Variants in ATXN2 observed in about 807,000 individuals in gnomAD.
ATXN2 encodes ataxin 2, also known as ataxin-2.
In ATXN2, 37 loss-of-function variants were observed where a neutral mutation model predicts 138.6. The ratio of observed to expected loss-of-function variants is 0.27; its 90% CI spans 0.21 to 0.35. ATXN2 has a LOEUF of 0.35. ATXN2 is among the 10% of genes least tolerant of loss of function. ATXN2 has a pLI of 1.00. For synonymous variants in ATXN2, 549 were observed against 543.7 expected (o/e 1.01, Z -0.13); for missense variants, 1,216 against 1,480.3 (o/e 0.82, Z 2.93).
chr12:111,599,071 G>C lies in ATXN2; in HGVS notation c.-37C>G. 7.0e-7 allele frequency: 1 copy of C among 1,423,404 alleles called. No homozygotes were observed. The highest frequency in any genetic ancestry group is 9.2e-7 in the Non-Finnish European group (1 of 1,087,826). The allele number at this position is 1,423,404 out of a possible 1,614,324, so 88.2% of individuals were successfully genotyped here. A position where few individuals can be genotyped will look rare whatever the true frequency, so the allele number is the denominator to read the frequency against. On this transcript the variant is annotated 5_prime_UTR_variant, in exon 1 of 25. Coordinates refer to ENST00000673436, the MANE Select transcript of ATXN2 (RefSeq NM_001372574.1). ...CATACACCGGCTCGCACGCCGGGCGGGGACAGCCGGGAGCCGGGCGCGCCA... is the reference window on the plus strand; with the variant it reads ...CATACACCGGCTCGCACGCCGGGCGCGGACAGCCGGGAGCCGGGCGCGCCA...
Position 111,598,064 on chromosome 12 carries a change from A to C in ATXN2, c.251+720T>G. ...ACCCCTTCCCTTCCCCAGGTGGGGG[A>C]GGGTGGAACGCTGCCGGAGGCCACA... On this transcript the variant is annotated intron_variant, in intron 1 of 24. Transcript: ENST00000673436. The surrounding 1 kb of genome is among the most constrained non-coding windows in gnomAD (Gnocchi z 4.5). 8.7e-7 allele frequency: 1 copy of C among 1,152,552 alleles called. No individual in the cohort carries two copies. The highest frequency in any genetic ancestry group is 1.1e-6 in the Non-Finnish European group (1 of 920,564). 71.4% of individuals were successfully genotyped at this position (1,152,552 alleles called of 1,614,324 possible). A position where few individuals can be genotyped will look rare whatever the true frequency, so the allele number is the denominator to read the frequency against.
intron 14 of ATXN2, among the ~76,000 whole-genome samples, chr12:111,496,722 A>G (rs1878440402): frequency 6.6e-6 from 1 of 152,114 alleles, no homozygotes; most frequent in African/African-American, 2.4e-5. Flanking sequence ...ATCAAAACCT[A>G]TAGGATACAG....
At position 111,519,979 on chromosome 12, in the gene ATXN2, C is replaced by T. The variant is rs1880066640; in HGVS notation, c.886G>A (p.Ala296Thr). 2 of 1,614,004 alleles carry T rather than the reference C, an allele frequency of 1.2e-6. No individual in the cohort carries two copies. Reference protein sequence around the residue: ...EEIESSAQYKARVALENDDRS... With the variant: ...EEIESSAQYKTRVALENDDRS... ...TCATCATTTTCCAGGGCCACTCGAG[C>T]TTTGTACTGGGCACTTGACTCAATT... The change falls in exon 8 of 25, where the codon GCT (alanine) becomes ACT (threonine). Residue 296 changes from alanine (A) to threonine (T), a missense_variant. Transcript: ENST00000673436.
chr12:111,487,049 TACAACCGTTCCTCTCAA>T (rs1877689867), intron 15 of ATXN2, among the ~76,000 whole-genome samples: 1 of 152,150 alleles, frequency 6.6e-6, no homozygotes, highest in South Asian at 2.1e-4. Flanking sequence ...CTGAGTAATA[TACAACCGTTCCTCTCAA>T]AGGCAATCAA....
intron 5 of ATXN2, among the ~76,000 whole-genome samples, chr12:111,536,072 C>T (rs888622989): frequency 2.0e-5 from 3 of 151,684 alleles, no homozygotes; most frequent in Admixed American, 6.6e-5. Context: ...TGGGAAGGGC[C>T]CTGTATAGCA....
chr12:111,571,872 C>T (rs947088157), intron 1 of ATXN2, among the ~76,000 whole-genome samples: 4 of 151,510 alleles, frequency 2.6e-5, no homozygotes, highest in Non-Finnish European at 5.9e-5. Context: ...ATTAGCTGGG[C>T]GTGGCAGCAT....
intron 14 of ATXN2, among the ~76,000 whole-genome samples, chr12:111,490,710 A>T (rs1877966469): frequency 6.6e-6 from 1 of 152,142 alleles, no homozygotes; most frequent in Admixed American, 6.5e-5. Context: ...AAAAGACACC[A>T]AAAAAGATAA....
At chr12:111,570,631 G>T (rs145199176) in intron 1 of ATXN2, among the ~76,000 whole-genome samples, 13 of 152,132 alleles carry the variant, frequency 8.5e-5, no homozygotes, top group Non-Finnish European at 1.3e-4. Flanking sequence ...CTCTCTTCAT[G>T]GCCTTACTGA....
intron 1 of ATXN2, among the ~76,000 whole-genome samples, chr12:111,592,658 A>G (rs747206431): frequency 6.7e-6 from 1 of 149,450 alleles, no homozygotes; most frequent in Non-Finnish European, 1.5e-5. Context: ...TGGTGTGCGC[A>G]TGTAGACCCA....
chr12:111,593,573 G>A (rs1212515732), intron 1 of ATXN2, among the ~76,000 whole-genome samples: 1 of 150,618 alleles, frequency 6.6e-6, no homozygotes, highest in Non-Finnish European at 1.5e-5. Flanking sequence ...TTCAGAATGT[G>A]GAATCTTTAA....
At chr12:111,576,285 A>C (rs1224734319) in intron 1 of ATXN2, among the ~76,000 whole-genome samples, 1 of 151,800 alleles carries the variant, frequency 6.6e-6, no homozygotes, top group African/African-American at 2.4e-5. Context: ...TTCTACTAAA[A>C]ATACAAAAAT....
intron 21 of ATXN2, among the ~76,000 whole-genome samples, chr12:111,459,160 CTG>C (rs1189948048): frequency 6.6e-6 from 1 of 152,186 alleles, no homozygotes; most frequent in African/African-American, 2.4e-5. Flanking sequence ...AACATAGTCT[CTG>C]AATGTTTTTA....
At chr12:111,570,761 T>C (rs1883272805) in intron 1 of ATXN2, among the ~76,000 whole-genome samples, 1 of 152,202 alleles carries the variant, frequency 6.6e-6, no homozygotes, top group African/African-American at 2.4e-5. Flanking sequence ...TCTGCATGCC[T>C]GCCTTCTCTA....
intron 1 of ATXN2, among the ~76,000 whole-genome samples, chr12:111,584,442 C>A (rs1367051306): frequency 7.1e-6 from 1 of 141,304 alleles, no homozygotes; most frequent in South Asian, 2.3e-4. Flanking sequence ...CGTGGCAGAG[C>A]AGGACTAGTC....
chr12:111,551,026 C>A (rs1390260875), intron 5 of ATXN2, among the ~76,000 whole-genome samples: 1 of 152,148 alleles, frequency 6.6e-6, no homozygotes, highest in Non-Finnish European at 1.5e-5. Flanking sequence ...CGGCTGGGTG[C>A]AGTGGCTCAT....
chr12:111,576,678 G>A (rs1883669323), intron 1 of ATXN2, among the ~76,000 whole-genome samples: 1 of 151,798 alleles, frequency 6.6e-6, no homozygotes, highest in Admixed American at 6.6e-5. Flanking sequence ...ACACAGGGTA[G>A]GCCAGGTGTG....
rs1204087582 is a variant in ATXN2, at chr12:111,493,870, G to A, written c.1936-5090C>T. The stretch of plus-strand genomic sequence containing the variant: ...TCTCGAACTCCTAACCTTGTGATTC[G>A]CCCCACCTTTGCCTTCCAAAGTGCT... On this transcript the variant is annotated intron_variant, in intron 14 of 24. Transcript: ENST00000673436. Among the ~76,000 whole-genome samples, 2 of 151,998 alleles carry A rather than the reference G, an allele frequency of 1.3e-5. 1 individual carries two copies. Among genetic ancestry groups the A allele is most frequent in the South Asian group, 4.2e-4 (2 of 4,818 alleles).
At chr12:111,533,027 G>C (rs995974870) in intron 5 of ATXN2, among the ~76,000 whole-genome samples, 3 of 152,106 alleles carry the variant, frequency 2.0e-5, no homozygotes, top group Admixed American at 1.3e-4. Flanking sequence ...CACTGTGAGG[G>C]GCAAGAAGAG....
chr12:111,484,578 C>T (rs1447801493), intron 18 of ATXN2, among the ~76,000 whole-genome samples: 3 of 152,022 alleles, frequency 2.0e-5, no homozygotes, highest in South Asian at 2.1e-4. Context: ...GGATTACAGG[C>T]GGCAGGTGCC....
Sources: allele counts gnomAD v4.1 joint callset (sites outside exome capture counted in the v4.1 genomes callset), GRCh38; gene constraint gnomAD v4.1.1; non-coding constraint Gnocchi (gnomAD v3.1); transcripts MANE v1.5; gene names NCBI Gene and HGNC (gene_info 2026-07-23, HGNC 2026-07-21).